The following ECE1 variants were observed in gnomAD, a reference collection of about 807,000 sequenced individuals.
The protein encoded by ECE1 is endothelin-converting enzyme 1.
A neutral mutation model predicts 98.6 loss-of-function variants in ECE1; 35 were observed. That is an observed-to-expected ratio of 0.35 (90% CI 0.27 to 0.47). The LOEUF (loss-of-function observed/expected upper bound fraction) is 0.47. Among genes scored for constraint, ECE1 ranks in the 20% least tolerant of loss-of-function variants. The probability of loss-of-function intolerance (pLI) is 1.00; values close to 1 mark genes in which losing one functional copy is unlikely to be tolerated. For missense variants in ECE1, 814 were observed against 1,025.3 expected (o/e 0.79, Z 2.81); for synonymous variants, 394 against 407.1 (o/e 0.97, Z 0.39).
intron 2 of ECE1, among the ~76,000 whole-genome samples, chr1:21,288,105 C>A (rs1252654303): frequency 1.3e-5 from 2 of 152,206 alleles, no homozygotes; most frequent in South Asian, 2.1e-4. Flanking sequence ...ACCACACAAG[C>A]CAAGCTGGGT....
chr1:21,225,503 C>T lies in ECE1; in HGVS notation c.1850-63G>A. 6.4e-7 allele frequency: 1 copy of T among 1,565,446 alleles called. No homozygotes were observed. Among genetic ancestry groups the T allele is most frequent in the Non-Finnish European group, 8.7e-7 (1 of 1,150,192 alleles). On this transcript the variant is annotated intron_variant, in intron 16 of 18. Coordinates refer to ENST00000374893, the MANE Select transcript of ECE1 (RefSeq NM_001397.3). This position sits in a 1 kb window ranked among gnomAD's most constrained non-coding sequence, Gnocchi z 5.3. ...GGGGCACAGCAGGGACCTGCTGCTC[C>T]TCCCTGCTCCTGGTGAGAAGCGGTT... is the stretch of plus-strand genomic sequence containing the variant.
rs1006911379 is a variant in ECE1, at chr1:21,319,403, G to T, written c.3+25973C>A. 6.6e-6 allele frequency among the ~76,000 whole-genome samples: 1 copy of T among 152,090 alleles called. No individual in the cohort carries two copies. The highest frequency in any genetic ancestry group is 2.4e-5 in the African/African-American group (1 of 41,398). On this transcript the variant is annotated intron_variant, in intron 1 of 18. Transcript: ENST00000415912. The surrounding 1 kb of genome is among the most constrained non-coding windows in gnomAD (Gnocchi z 4.4). ...ATAATCATAAAGTGGACTACGCAGG[G>T]CTTTTCTAGAGACATGATAAGACCT... is the stretch of plus-strand genomic sequence containing the variant.
rs1027870705 is a variant in ECE1 at position 21,225,090 on chromosome 1, A to G, written c.2040+160T>C. Among the ~76,000 whole-genome samples the G allele has an allele frequency of 6.6e-6, 1 of 152,182 alleles. No individual in the cohort carries two copies. Among genetic ancestry groups the G allele is most frequent in the Non-Finnish European group, 1.5e-5 (1 of 68,028 alleles). On this transcript the variant is annotated intron_variant, in intron 17 of 18. Transcript: ENST00000374893. This position sits in a 1 kb window ranked among gnomAD's most constrained non-coding sequence, Gnocchi z 5.3. ...TGGTGGGGGAGCCTCCACGGTCGGC[A>G]TCGCGATTGGTCCTCGCCACCCCCA...
intron 4 of ECE1, chr1:21,267,374 G>GT (rs2098235164): frequency 6.6e-6 from 1 of 152,374 alleles, no homozygotes; most frequent in African/African-American, 2.4e-5. Context: ...CACCATCGTG[G>GT]TGGAAGGCAA....
chr1:21,340,820 A>T lies in ECE1; in HGVS notation c.3+4556T>A, dbSNP rs1485376768. Among the ~76,000 whole-genome samples, 1 of 152,184 alleles carries T rather than the reference A, an allele frequency of 6.6e-6. No individual in the cohort carries two copies. The highest frequency in any genetic ancestry group is 1.9e-4 in the East Asian group (1 of 5,198). On this transcript the variant is annotated intron_variant, in intron 1 of 18. Coordinates refer to the ECE1 transcript ENST00000415912. The surrounding 1 kb of genome is among the most constrained non-coding windows in gnomAD (Gnocchi z 4.6). Reference sequence around the variant, plus strand: ...TGCACTCAGCCTGGGTGACAGAGCAAGACTATGTCTCAATAAATAAGTAAA... The same window carrying T: ...TGCACTCAGCCTGGGTGACAGAGCATGACTATGTCTCAATAAATAAGTAAA...
rs539988234 is a variant in ECE1 at position 21,338,836 on chromosome 1, C to T, written c.3+6540G>A. Among the ~76,000 whole-genome samples the T allele has an allele frequency of 1.1e-3, 162 of 152,320 alleles. 2 individuals carry two copies. Among genetic ancestry groups the T allele is most frequent in the Non-Finnish European group, 3.2e-4 (22 of 68,032 alleles). ...GCAGGGAGGTGGGAGGCTCTGCTTC[C>T]AGGCAGAGGTAAATATTGACATGAC... On this transcript the variant is annotated intron_variant, in intron 1 of 18. Transcript: ENST00000415912.
chr1:21,306,325 G>GTTTTTTTTTTTTTTTTTTTTTTT (rs1267224328), intron 1 of ECE1, among the ~76,000 whole-genome samples: 1 of 145,528 alleles, frequency 6.9e-6, no homozygotes, highest in African/African-American at 2.8e-5. Context: ...TATGTTAAGT[G>GTTTTTTTTTTTTTTTTTTTTTTT]TTTTTTTGTT....
intron 11 of ECE1, among the ~76,000 whole-genome samples, chr1:21,237,928 A>C (rs941296469): frequency 2.0e-5 from 3 of 152,220 alleles, no homozygotes; most frequent in African/African-American, 7.2e-5. Context: ...CGTGCAGATA[A>C]GGGCCTGGCA....
At chr1:21,278,760 C>T (rs534747908) in intron 3 of ECE1, among the ~76,000 whole-genome samples, 1 of 152,296 alleles carries the variant, frequency 6.6e-6, no homozygotes, top group South Asian at 2.1e-4. Flanking sequence ...CAGACAATGT[C>T]AGCCTATGTG....
rs944978262 is a variant in ECE1, at chr1:21,258,892, A to C, written c.616-53T>G. The C allele has an allele frequency of 1.9e-5, 30 of 1,608,816 alleles. No homozygotes were observed. The highest frequency in any genetic ancestry group is 2.4e-5 in the Non-Finnish European group (28 of 1,177,426). On this transcript the variant is annotated intron_variant, in intron 5 of 18. Coordinates refer to ENST00000374893, the MANE Select transcript of ECE1 (RefSeq NM_001397.3). This position sits in a 1 kb window ranked among gnomAD's most constrained non-coding sequence, Gnocchi z 4.2. Reference sequence around the variant, plus strand: ...GTGATGAGGTGGCGGGGAGACCCAGATGTGAATTCTGGTTCTGCCGCTGAC... The same window carrying C: ...GTGATGAGGTGGCGGGGAGACCCAGCTGTGAATTCTGGTTCTGCCGCTGAC...
intron 3 of ECE1, among the ~76,000 whole-genome samples, chr1:21,273,333 C>T (rs990640170): frequency 2.9e-5 from 4 of 138,384 alleles, no homozygotes; most frequent in East Asian, 2.2e-4. Context: ...AAGTGTGTGC[C>T]CGTGCGTGTG....
chr1:21,315,545 G>C (rs1335394305), intron 1 of ECE1, among the ~76,000 whole-genome samples: 2 of 152,150 alleles, frequency 1.3e-5, no homozygotes, highest in Non-Finnish European at 2.9e-5. Context: ...TGTAGTCCCA[G>C]CACTTTGGGA....
At position 21,307,631 on chromosome 1, in the gene ECE1, G is replaced by A. The variant is rs879489709; in HGVS notation, c.4-17475C>T. ...GGCATTCCTGTCATTTGTCCCCACT[G>A]GGTCTGGGGCTGGGGCTTCTTTGTA... On this transcript the variant is annotated intron_variant, in intron 1 of 18. Coordinates refer to the ECE1 transcript ENST00000415912. This position sits in a 1 kb window ranked among gnomAD's most constrained non-coding sequence, Gnocchi z 4.2. Among the ~76,000 whole-genome samples, 2 of 152,202 alleles carry A rather than the reference G, an allele frequency of 1.3e-5. No individual in the cohort carries two copies. The highest frequency in any genetic ancestry group is 2.9e-5 in the Non-Finnish European group (2 of 68,032).
rs940014625 is a variant in ECE1 at position 21,257,374 on chromosome 1, C to T, written c.828+151G>A. Reference sequence around the variant, plus strand: ...GTGACACAGCCAGCCTAGGGGTGTCCCTCCCCTGCCAGGGTCTGCCTGTTT... The same window carrying T: ...GTGACACAGCCAGCCTAGGGGTGTCTCTCCCCTGCCAGGGTCTGCCTGTTT... On this transcript the variant is annotated intron_variant, in intron 7 of 18. Transcript: ENST00000374893. The T allele has an allele frequency of 8.6e-6, 7 of 816,778 alleles. 1 individual carries two copies. The highest frequency in any genetic ancestry group is 1.7e-5 in the African/African-American group (1 of 59,090). 50.6% of individuals were successfully genotyped at this position (816,778 alleles called of 1,614,324 possible).
chr1:21,217,862 C>T lies in ECE1; in HGVS notation c.*2093G>A, dbSNP rs1335160349. 1.3e-5 allele frequency: 2 copies of T among 152,418 alleles called. No homozygotes were observed. The highest frequency in any genetic ancestry group is 2.4e-5 in the African/African-American group (1 of 41,456). 9.4% of individuals were successfully genotyped at this position (152,418 alleles called of 1,614,324 possible). ...ACCCTGCACCAGCTTGGAGGCAGAT[C>T]CCAAGGTGGCAGGGGTGTCCCTGTG... On this transcript the variant is annotated 3_prime_UTR_variant, in exon 19 of 19. Coordinates refer to ENST00000374893, the MANE Select transcript of ECE1 (RefSeq NM_001397.3).
chr1:21,330,630 ACAGGAAACGTACT>A (rs1569774828), intron 1 of ECE1, among the ~76,000 whole-genome samples: 1 of 152,200 alleles, frequency 6.6e-6, no homozygotes, highest in African/African-American at 2.4e-5. Flanking sequence ...CATGCCTGGC[ACAGGAAACGTACT>A]CAGCAAATGT....
intron 14 of ECE1, among the ~76,000 whole-genome samples, chr1:21,230,367 T>C (rs2098180214): frequency 6.6e-6 from 1 of 152,086 alleles, no homozygotes; most frequent in African/African-American, 2.4e-5. Flanking sequence ...ACTAAATTCC[T>C]ATGTGAGGCA....
chr1:21,338,004 C>T (rs1388594726), intron 1 of ECE1, among the ~76,000 whole-genome samples: 1 of 152,176 alleles, frequency 6.6e-6, no homozygotes, highest in Non-Finnish European at 1.5e-5. Flanking sequence ...GTAATGGACT[C>T]GAAGCTTCTG....
chr1:21,289,994 G>C (rs1246697427), intron 2 of ECE1, 76 bp downstream of exon 2: 1 of 1,254,628 alleles, frequency 8.0e-7, no homozygotes, highest in South Asian at 2.5e-5. Flanking sequence ...AGGTAGGGGC[G>C]GGGGGCGCGG....
Sources: gnomAD v4.1 joint callset for allele counts (sites outside exome capture counted in the v4.1 genomes callset) on GRCh38, gnomAD v4.1.1 for gene constraint, Gnocchi (gnomAD v3.1) non-coding constraint, MANE v1.5 for transcripts, NCBI Gene and HGNC (gene_info 2026-07-23, HGNC 2026-07-21) for gene names.